Variants in DACH1 observed in about 807,000 individuals in gnomAD.
The protein encoded by DACH1 is dachshund homolog 1.
Under a neutral mutation model 54.2 loss-of-function variants are expected in DACH1, and 12 were observed. The observed-to-expected ratio is 0.22, with a 90% CI of 0.14 to 0.36. The LOEUF (loss-of-function observed/expected upper bound fraction) is 0.36. DACH1 is among the 10% of genes least tolerant of loss of function. The pLI is 1.00. For missense variants in DACH1, 805 were observed against 929.8 expected (o/e 0.87, Z 1.75); for synonymous variants, 386 against 366.2 (o/e 1.05, Z -0.62).
At chr13:71,581,099 A>G (rs941433525) in intron 3 of DACH1, among the ~76,000 whole-genome samples, 5 of 151,746 alleles carry the variant, frequency 3.3e-5, no homozygotes, top group African/African-American at 1.2e-4. Flanking sequence ...CTAACTTTCA[A>G]TCAGTTTTTG....
At chr13:71,478,622 T>C (rs1372735150) in intron 8 of DACH1, among the ~76,000 whole-genome samples, 3 of 152,184 alleles carry the variant, frequency 2.0e-5, no homozygotes, top group African/African-American at 7.2e-5. Flanking sequence ...CCAATAAGAA[T>C]TTATATCAGT....
At chr13:71,697,919 T>C (rs1413066938) in intron 1 of DACH1, among the ~76,000 whole-genome samples, 2 of 152,160 alleles carry the variant, frequency 1.3e-5, no homozygotes, top group Non-Finnish European at 2.9e-5. Flanking sequence ...AGATTACAAA[T>C]GAGTAAAAAG....
chr13:71,823,921 T>C (rs1888287537), intron 1 of DACH1, among the ~76,000 whole-genome samples: 1 of 151,952 alleles, frequency 6.6e-6, no homozygotes, highest in Non-Finnish European at 1.5e-5. Context: ...TTATCAGAAA[T>C]TATATCAAAC....
At chr13:71,570,484 C>G (rs1885131045) in intron 4 of DACH1, among the ~76,000 whole-genome samples, 1 of 152,096 alleles carries the variant, frequency 6.6e-6, no homozygotes, top group Non-Finnish European at 1.5e-5. Flanking sequence ...TTTTTGTAAT[C>G]ATTCTCAATT....
At chr13:71,654,564 C>A (rs1182372303) in intron 2 of DACH1, among the ~76,000 whole-genome samples, 1 of 151,248 alleles carries the variant, frequency 6.6e-6, no homozygotes, top group Non-Finnish European at 1.5e-5. Flanking sequence ...ATGTGTCTAA[C>A]TCCAAAATTT....
chr13:71,751,838 A>G (rs1884942277), intron 1 of DACH1, among the ~76,000 whole-genome samples: 2 of 152,190 alleles, frequency 1.3e-5, no homozygotes, highest in Admixed American at 1.3e-4. Context: ...AGAACTTAGT[A>G]TTTCTACAAA....
At chr13:71,720,723 T>G (rs547088500) in intron 1 of DACH1, among the ~76,000 whole-genome samples, 146 of 152,288 alleles carry the variant, frequency 9.6e-4, no homozygotes, top group African/African-American at 3.4e-3. Flanking sequence ...TTGCTATCCA[T>G]ATAAAAGATC....
intron 10 of DACH1, among the ~76,000 whole-genome samples, chr13:71,470,833 A>G (rs761962444): frequency 1.5e-4 from 23 of 152,204 alleles, no homozygotes; most frequent in South Asian, 4.1e-4. Flanking sequence ...ATGGCAGTGA[A>G]CAAAACATGC....
intron 10 of DACH1, among the ~76,000 whole-genome samples, chr13:71,464,056 T>C (rs1876338647): frequency 6.6e-6 from 1 of 152,018 alleles, no homozygotes; most frequent in Non-Finnish European, 1.5e-5. Flanking sequence ...CAGTTGTTAA[T>C]AATAACAAAT....
chr13:71,557,613 C>G (rs1884333370), intron 5 of DACH1, among the ~76,000 whole-genome samples: 2 of 151,904 alleles, frequency 1.3e-5, no homozygotes, highest in Non-Finnish European at 1.5e-5. Context: ...AGGTAAACAT[C>G]AACAACAAGT....
intron 1 of DACH1, among the ~76,000 whole-genome samples, chr13:71,710,966 A>G (rs553459312): frequency 1.4e-4 from 22 of 152,300 alleles, no homozygotes; most frequent in Non-Finnish European, 2.8e-4. Flanking sequence ...TGGGGCATGA[A>G]TGGATCAAAC....
intron 6 of DACH1, among the ~76,000 whole-genome samples, chr13:71,529,876 A>T (rs1462709323): frequency 1.3e-5 from 2 of 152,224 alleles, no homozygotes; most frequent in Non-Finnish European, 1.5e-5. Flanking sequence ...ATTTTTAGGA[A>T]AATGGCCATT....
chr13:71,693,239 A>C (rs1309358756), intron 1 of DACH1, among the ~76,000 whole-genome samples: 1 of 151,152 alleles, frequency 6.6e-6, no homozygotes, highest in Non-Finnish European at 1.5e-5. Flanking sequence ...GTCCACATAC[A>C]CACACACATA....
At chr13:71,475,685 C>A in intron 9 of DACH1, 21 bp downstream of exon 9, 1 of 1,592,332 alleles carries the variant, frequency 6.3e-7, no homozygotes, top group Non-Finnish European at 8.5e-7. Flanking sequence ...GTTATTCATG[C>A]AATAATATAC....
chr13:71,641,551 T>C (rs963948583), intron 2 of DACH1, among the ~76,000 whole-genome samples: 1 of 152,094 alleles, frequency 6.6e-6, no homozygotes, highest in Non-Finnish European at 1.5e-5. Flanking sequence ...CTTTGAAAAG[T>C]AGGTTTGTGT....
At chr13:71,673,627 G>A (rs1484290924) in intron 2 of DACH1, among the ~76,000 whole-genome samples, 1 of 151,910 alleles carries the variant, frequency 6.6e-6, no homozygotes, top group East Asian at 1.9e-4. Context: ...TGGGGCTGGG[G>A]GAGAGAATGC....
intron 1 of DACH1, among the ~76,000 whole-genome samples, chr13:71,686,452 T>C (rs1054572381): frequency 6.6e-6 from 1 of 152,186 alleles, no homozygotes; most frequent in African/African-American, 2.4e-5. Context: ...CTCATGCTAA[T>C]TTCAGTCTCT....
intron 1 of DACH1, among the ~76,000 whole-genome samples, chr13:71,857,877 A>G (rs1035187439): frequency 6.6e-6 from 1 of 151,720 alleles, no homozygotes; most frequent in African/African-American, 2.4e-5. Flanking sequence ...GGGTTCAAAG[A>G]TTTGTTACAC....
chr13:71,691,640 T>C (rs921917564), intron 1 of DACH1, among the ~76,000 whole-genome samples: 26 of 152,200 alleles, frequency 1.7e-4, no homozygotes, highest in African/African-American at 6.3e-4. Flanking sequence ...CATGGCAATC[T>C]GGCTTCAGAT....
Sources: allele counts gnomAD v4.1 joint callset (sites outside exome capture counted in the v4.1 genomes callset), GRCh38; gene constraint gnomAD v4.1.1; transcripts MANE v1.5; gene names NCBI Gene and HGNC (gene_info 2026-07-23, HGNC 2026-07-21).